LCOR: variants seen among roughly 807,000 people sequenced by gnomAD.
The protein encoded by LCOR is ligand dependent nuclear receptor corepressor, also known as ligand-dependent corepressor.
In LCOR, 14 loss-of-function variants were observed where a neutral mutation model predicts 64.4. That is an observed-to-expected ratio of 0.22 (90% confidence interval 0.14 to 0.34). The LOEUF (loss-of-function observed/expected upper bound fraction) is 0.34, where lower values mean the gene tolerates loss of function less well. Among genes scored for constraint, LCOR ranks in the 10% least tolerant of loss-of-function variants. LCOR has a pLI of 1.00. For synonymous variants in LCOR, 643 were observed against 642.5 expected (o/e 1.00, Z -0.01); for missense variants, 1,686 against 1,765.3 (o/e 0.96, Z 0.80).
chr10:96,855,617 G>A (rs371941984), intron 2 of LCOR, among the ~76,000 whole-genome samples: 12 of 151,606 alleles, frequency 7.9e-5, no homozygotes, highest in African/African-American at 2.7e-4. Context: ...TATATTTTTA[G>A]TAGAGACGGG....
At chr10:96,870,820 G>A (rs1238417392) in intron 2 of LCOR, among the ~76,000 whole-genome samples, 1 of 152,196 alleles carries the variant, frequency 6.6e-6, no homozygotes, top group Admixed American at 6.5e-5. Flanking sequence ...AATTAGAGCA[G>A]CAAGAAATTG....
chr10:96,869,591 T>C (rs1211178871), intron 2 of LCOR, among the ~76,000 whole-genome samples: 1 of 151,626 alleles, frequency 6.6e-6, no homozygotes, highest in African/African-American at 2.4e-5. Context: ...TTTTTCTTTT[T>C]TTAGACAGAG....
At chr10:96,900,040 C>T (rs1247847350) in intron 2 of LCOR, among the ~76,000 whole-genome samples, 1 of 152,022 alleles carries the variant, frequency 6.6e-6, no homozygotes, top group Admixed American at 6.5e-5. Context: ...GAATATTTCC[C>T]TTAATACAAA....
intron 2 of LCOR, among the ~76,000 whole-genome samples, chr10:96,869,894 G>C (rs571812602): frequency 7.2e-5 from 11 of 152,018 alleles, no homozygotes; most frequent in African/African-American, 2.4e-4. Flanking sequence ...TTCTTCTTAA[G>C]GAAATATTTA....
intron 2 of LCOR, among the ~76,000 whole-genome samples, chr10:96,836,707 G>A (rs1458882317): frequency 6.6e-6 from 1 of 152,168 alleles, no homozygotes. Context: ...TTTTTGCTTC[G>A]TTCTGATGGA....
chr10:96,846,455 T>A (rs1205341787), intron 2 of LCOR, among the ~76,000 whole-genome samples: 1 of 152,086 alleles, frequency 6.6e-6, no homozygotes, highest in Non-Finnish European at 1.5e-5. Context: ...TGTCCCTATG[T>A]TGCCCAGGCT....
chr10:96,860,927 A>G (rs917057794), intron 2 of LCOR, among the ~76,000 whole-genome samples: 13 of 152,218 alleles, frequency 8.5e-5, no homozygotes, highest in Non-Finnish European at 1.5e-5. Context: ...AAGAAAGAGT[A>G]TGTTTGGGGC....
chr10:96,969,764 T>C (rs1847980968), intron 7 of LCOR, among the ~76,000 whole-genome samples: 2 of 133,862 alleles, frequency 1.5e-5, no homozygotes, highest in Admixed American at 1.4e-4. Flanking sequence ...ATTTTCTTTC[T>C]TTTTTTTTTC....
At chr10:96,940,430 GTC>G (rs1847434813) in intron 4 of LCOR, among the ~76,000 whole-genome samples, 1 of 123,434 alleles carries the variant, frequency 8.1e-6, no homozygotes, top group African/African-American at 3.1e-5. Context: ...GTGAACAAAG[GTC>G]TCTGGTTTTC....
At chr10:96,960,303 T>G (rs1415523177) in intron 7 of LCOR, 1 of 152,238 alleles carries the variant, frequency 6.6e-6, no homozygotes, top group East Asian at 1.9e-4. Flanking sequence ...ATGGATTCAT[T>G]TATTTTCATA....
At chr10:96,961,876 T>C (rs1380998493) in intron 7 of LCOR, 1 of 152,074 alleles carries the variant, frequency 6.6e-6, no homozygotes, top group Non-Finnish European at 1.5e-5. Context: ...TCTTTTTTTT[T>C]TTTCATCCAG....
At chr10:96,840,726 C>G (rs1259238242) in intron 2 of LCOR, among the ~76,000 whole-genome samples, 1 of 152,188 alleles carries the variant, frequency 6.6e-6, no homozygotes. Flanking sequence ...TAAATGTTTT[C>G]TAGAGCTTAA....
intron 4 of LCOR, among the ~76,000 whole-genome samples, chr10:96,913,490 A>C (rs1406968059): frequency 2.6e-5 from 4 of 152,234 alleles, no homozygotes; most frequent in Admixed American, 2.0e-4. Context: ...TGTAAAGTAC[A>C]GATAACATGG....
intron 7 of LCOR, among the ~76,000 whole-genome samples, chr10:96,973,718 CCT>C (rs1178318746): frequency 1.3e-5 from 2 of 152,138 alleles, no homozygotes; most frequent in East Asian, 3.8e-4. Flanking sequence ...CCTGGGACTC[CCT>C]GTTTCTGCTA....
chr10:96,922,714 A>G (rs1440754355), intron 4 of LCOR, among the ~76,000 whole-genome samples: 1 of 152,222 alleles, frequency 6.6e-6, no homozygotes, highest in East Asian at 1.9e-4. Context: ...TAAAAACTAT[A>G]CATGTATAAT....
intron 4 of LCOR, among the ~76,000 whole-genome samples, chr10:96,923,895 C>G (rs1847123359): frequency 6.6e-6 from 1 of 152,142 alleles, no homozygotes; most frequent in South Asian, 2.1e-4. Context: ...GTAAGCAACT[C>G]AGAGTAAGCA....
At chr10:96,941,398 T>C in intron 4 of LCOR, among the ~76,000 whole-genome samples, 1 of 138,166 alleles carries the variant, frequency 7.2e-6, no homozygotes, top group African/African-American at 2.8e-5. Context: ...ACTGGGCGGC[T>C]GGCCGGGCAG....
intron 7 of LCOR, chr10:96,955,294 C>G (rs913165449): frequency 3.7e-6 from 6 of 1,614,026 alleles, no homozygotes; most frequent in South Asian, 1.1e-5. Context: ...CCTTTTCTTG[C>G]AGAAAACTCT....
At chr10:96,869,421 A>G (rs1471865976) in intron 2 of LCOR, among the ~76,000 whole-genome samples, 1 of 151,996 alleles carries the variant, frequency 6.6e-6, no homozygotes, top group African/African-American at 2.4e-5. Flanking sequence ...CACCATGTCA[A>G]CCAGGCTGGT....
Sources: gnomAD v4.1 joint callset for allele counts (sites outside exome capture counted in the v4.1 genomes callset) on GRCh38, gnomAD v4.1.1 for gene constraint, MANE v1.5 for transcripts, NCBI Gene and HGNC (gene_info 2026-07-23, HGNC 2026-07-21) for gene names.